CADM2: variants seen among roughly 807,000 people sequenced by gnomAD.
CADM2 encodes immunoglobulin superfamily member 4D.
A neutral mutation model predicts 49.8 loss-of-function variants in CADM2; 12 were observed. The observed-to-expected ratio is 0.24, with a 90% confidence interval of 0.15 to 0.39. The LOEUF (loss-of-function observed/expected upper bound fraction) is 0.39, where lower values mean the gene tolerates loss of function less well. Ranked by LOEUF, CADM2 falls within the 10% of genes least tolerant of loss-of-function variation. CADM2 has a pLI of 1.00. For synonymous variants in CADM2, 214 were observed against 175.4 expected, an observed-to-expected ratio of 1.22 and a Z score of -1.74; for missense variants, 378 against 492.3, an observed-to-expected ratio of 0.77 and a Z score of 2.20.
At chr3:85,978,308 C>A (rs576687713) in intron 8 of CADM2, among the ~76,000 whole-genome samples, 1 of 140,068 alleles carries the variant, frequency 7.1e-6, no homozygotes, top group South Asian at 2.1e-4. Flanking sequence ...AAACACTATT[C>A]TTTCTGGGTT....
At chr3:85,597,542 A>G (rs2063278712) in intron 1 of CADM2, among the ~76,000 whole-genome samples, 1 of 152,146 alleles carries the variant, frequency 6.6e-6, no homozygotes, top group African/African-American at 2.4e-5. Flanking sequence ...AAAACAAATT[A>G]TCAAAGCAAT....
At chr3:85,131,796 G>A (rs1165777218) in intron 1 of CADM2, among the ~76,000 whole-genome samples, 1 of 151,678 alleles carries the variant, frequency 6.6e-6, no homozygotes, top group Non-Finnish European at 1.5e-5. Flanking sequence ...GATGTATTGT[G>A]ACTGAAGGAA....
At chr3:85,996,076 C>T (rs1577897079) in intron 8 of CADM2, among the ~76,000 whole-genome samples, 1 of 144,306 alleles carries the variant, frequency 6.9e-6, no homozygotes, top group Middle Eastern at 3.7e-3. Context: ...GGCGACAGAG[C>T]AAGACTCTGC....
At chr3:85,487,535 G>A (rs2039470793) in intron 1 of CADM2, among the ~76,000 whole-genome samples, 1 of 151,068 alleles carries the variant, frequency 6.6e-6, no homozygotes, top group African/African-American at 2.4e-5. Context: ...GGAGGAAGTG[G>A]AGGAGGAGGA....
At chr3:85,827,100 C>G (rs769410126) in intron 3 of CADM2, among the ~76,000 whole-genome samples, 1 of 151,808 alleles carries the variant, frequency 6.6e-6, no homozygotes, top group Non-Finnish European at 1.5e-5. Flanking sequence ...TGAAAAGCAC[C>G]ATTAATACTG....
intron 1 of CADM2, among the ~76,000 whole-genome samples, chr3:85,392,312 T>C (rs1301802293): frequency 6.6e-6 from 1 of 152,116 alleles, no homozygotes; most frequent in Non-Finnish European, 1.5e-5. Flanking sequence ...AGATGTTGAC[T>C]TGAGGCTTTT....
intron 7 of CADM2, among the ~76,000 whole-genome samples, chr3:85,940,652 T>A (rs1463873120): frequency 6.6e-6 from 1 of 152,106 alleles, no homozygotes; most frequent in Non-Finnish European, 1.5e-5. Flanking sequence ...AACCTCTAAT[T>A]AATCATTGAG....
At chr3:85,893,155 G>A (rs536270123) in intron 5 of CADM2, among the ~76,000 whole-genome samples, 2 of 152,180 alleles carry the variant, frequency 1.3e-5, no homozygotes, top group East Asian at 3.9e-4. Context: ...ATTTCTGAGT[G>A]GTAAAACAGT....
chr3:85,588,746 G>T (rs1256156813), intron 1 of CADM2, among the ~76,000 whole-genome samples: 1 of 151,956 alleles, frequency 6.6e-6, no homozygotes, highest in Non-Finnish European at 1.5e-5. Flanking sequence ...TTTGAGGCCA[G>T]TAAGAAAAGG....
chr3:84,983,260 A>ATT (rs1340064678), intron 1 of CADM2, among the ~76,000 whole-genome samples: 8 of 152,062 alleles, frequency 5.3e-5, no homozygotes, highest in African/African-American at 1.9e-4. Context: ...TGCATGAAAT[A>ATT]TTTTGGACAT....
chr3:85,242,737 G>A (rs964362532), intron 1 of CADM2, among the ~76,000 whole-genome samples: 4 of 151,662 alleles, frequency 2.6e-5, no homozygotes, highest in Non-Finnish European at 5.9e-5. Flanking sequence ...AAGATCTCAG[G>A]TCTGACAATT....
chr3:85,333,792 G>T (rs1274330127), intron 1 of CADM2, among the ~76,000 whole-genome samples: 1 of 151,496 alleles, frequency 6.6e-6, no homozygotes, highest in Non-Finnish European at 1.5e-5. Context: ...ATGCATAAAA[G>T]GCTATTATAT....
chr3:85,087,230 C>T (rs999975007), intron 1 of CADM2, among the ~76,000 whole-genome samples: 1 of 152,046 alleles, frequency 6.6e-6, no homozygotes, highest in South Asian at 2.1e-4. Context: ...GTCTCAAGGG[C>T]TTTAGCTACG....
chr3:85,429,867 G>A (rs1412307467), intron 1 of CADM2, among the ~76,000 whole-genome samples: 2 of 152,118 alleles, frequency 1.3e-5, no homozygotes, highest in Non-Finnish European at 2.9e-5. Flanking sequence ...AAAAGCATTA[G>A]TATTTCTGAG....
At chr3:85,535,312 A>G (rs7636650) in intron 1 of CADM2, among the ~76,000 whole-genome samples, 6,494 of 152,260 alleles carry the variant, frequency 0.043, 467 homozygotes, top group African/African-American at 0.15. Context: ...GATTCACTTT[A>G]TGCACATATG....
intron 1 of CADM2, among the ~76,000 whole-genome samples, chr3:85,118,231 G>A (rs2038714260): frequency 1.3e-5 from 2 of 151,586 alleles, no homozygotes; most frequent in African/African-American, 4.8e-5. Context: ...ATGAAAAAGT[G>A]CCCATAAGAG....
At chr3:85,666,454 A>G (rs142647345) in intron 1 of CADM2, among the ~76,000 whole-genome samples, 41 of 152,098 alleles carry the variant, frequency 2.7e-4, no homozygotes, top group African/African-American at 8.4e-4. Flanking sequence ...ACTCATCACA[A>G]GGTTTGTGGC....
At chr3:85,918,021 T>G (rs1718598197) in intron 6 of CADM2, among the ~76,000 whole-genome samples, 1 of 152,232 alleles carries the variant, frequency 6.6e-6, no homozygotes, top group African/African-American at 2.4e-5. Context: ...TTTTGTGTCC[T>G]GAGACTTTGC....
intron 2 of CADM2, among the ~76,000 whole-genome samples, chr3:85,783,108 A>G (rs1357229763): frequency 2.0e-5 from 3 of 152,182 alleles, no homozygotes; most frequent in Non-Finnish European, 2.9e-5. Flanking sequence ...TTCTATTCAT[A>G]TAAGAAGATA....
Sources: gnomAD v4.1 joint callset for allele counts (sites outside exome capture counted in the v4.1 genomes callset) on GRCh38, gnomAD v4.1.1 for gene constraint, MANE v1.5 for transcripts, NCBI Gene and HGNC (gene_info 2026-07-23, HGNC 2026-07-21) for gene names.